RALGAPA2: variants seen among roughly 807,000 people sequenced by gnomAD.
The protein encoded by RALGAPA2 is ral GTPase-activating protein subunit alpha-2.
In RALGAPA2, 139 loss-of-function variants were observed where a neutral mutation model predicts 230.4. The observed-to-expected ratio is 0.60, with a 90% CI of 0.53 to 0.69. RALGAPA2 has a LOEUF of 0.69. Ranked by LOEUF, RALGAPA2 falls within the 30% of genes least tolerant of loss-of-function variation. RALGAPA2 has a pLI of 0.00. For synonymous variants in RALGAPA2, 847 were observed against 837.8 expected, an observed-to-expected ratio of 1.01 and a Z score of -0.19; for missense variants, 2,163 against 2,276.0, an observed-to-expected ratio of 0.95 and a Z score of 1.01.
chr20:20,689,941 A>T (rs1252442309), intron 1 of RALGAPA2, among the ~76,000 whole-genome samples: 1 of 151,504 alleles, frequency 6.6e-6, no homozygotes, highest in Non-Finnish European at 1.5e-5. Context: ...GCTTCAAGAA[A>T]ATCCACCCCT....
At chr20:20,394,511 G>A (rs959320458) in intron 39 of RALGAPA2, among the ~76,000 whole-genome samples, 4 of 152,108 alleles carry the variant, frequency 2.6e-5, no homozygotes, top group African/African-American at 7.2e-5. Flanking sequence ...ATGGTGGTGC[G>A]CACCTGTAGT....
chr20:20,624,280 T>C (rs542376402), intron 10 of RALGAPA2, among the ~76,000 whole-genome samples: 7 of 136,406 alleles, frequency 5.1e-5, no homozygotes, highest in Non-Finnish European at 9.0e-5. Context: ...TGAGCCAAGA[T>C]CGCACCACTG....
chr20:20,530,267 C>G (rs948172648), intron 27 of RALGAPA2, among the ~76,000 whole-genome samples: 1 of 152,174 alleles, frequency 6.6e-6, no homozygotes, highest in African/African-American at 2.4e-5. Flanking sequence ...ATTAAACTTG[C>G]CTACAAAGGT....
intron 37 of RALGAPA2, among the ~76,000 whole-genome samples, chr20:20,429,219 C>T (rs1202819309): frequency 6.6e-6 from 1 of 152,188 alleles, no homozygotes; most frequent in South Asian, 2.1e-4. Flanking sequence ...GAAACTCAAA[C>T]CCAGGGCGAT....
chr20:20,698,391 C>A (rs559567938), intron 1 of RALGAPA2, among the ~76,000 whole-genome samples: 53 of 150,818 alleles, frequency 3.5e-4, no homozygotes, highest in African/African-American at 1.2e-3. Context: ...TTTTTGGTTT[C>A]TTTGTTTTGT....
At chr20:20,501,562 C>T (rs1484975965) in intron 35 of RALGAPA2, among the ~76,000 whole-genome samples, 2 of 152,166 alleles carry the variant, frequency 1.3e-5, no homozygotes, top group Non-Finnish European at 2.9e-5. Flanking sequence ...CTGGTTTGAT[C>T]TGTTCAGACC....
At chr20:20,652,872 C>T (rs1031764020) in intron 4 of RALGAPA2, among the ~76,000 whole-genome samples, 2 of 152,028 alleles carry the variant, frequency 1.3e-5, no homozygotes, top group Non-Finnish European at 2.9e-5. Context: ...GAATAATTTT[C>T]AGTCAATGAT....
At chr20:20,567,584 G>GA (rs1274874144) in intron 23 of RALGAPA2, among the ~76,000 whole-genome samples, 1 of 152,168 alleles carries the variant, frequency 6.6e-6, no homozygotes, top group Admixed American at 6.5e-5. Context: ...ATCAATAAAA[G>GA]AAAACATACC....
intron 28 of RALGAPA2, among the ~76,000 whole-genome samples, chr20:20,525,800 G>C (rs1426678290): frequency 6.6e-6 from 1 of 152,134 alleles, no homozygotes; most frequent in Non-Finnish European, 1.5e-5. Context: ...AAAGGTTATC[G>C]TGGTAGCAAT....
intron 3 of RALGAPA2, among the ~76,000 whole-genome samples, chr20:20,656,370 T>C (rs971186980): frequency 2.0e-5 from 3 of 152,198 alleles, no homozygotes; most frequent in African/African-American, 4.8e-5. Context: ...GTGGGGAAAT[T>C]GATGTCACAT....
chr20:20,617,234 T>G (rs2066174238), intron 12 of RALGAPA2, among the ~76,000 whole-genome samples: 1 of 152,290 alleles, frequency 6.6e-6, no homozygotes, highest in Middle Eastern at 3.4e-3. Flanking sequence ...TCAAAATAAA[T>G]GTACAATCTG....
chr20:20,397,693 A>G (rs1351667357), intron 38 of RALGAPA2, among the ~76,000 whole-genome samples: 2 of 152,214 alleles, frequency 1.3e-5, no homozygotes, highest in African/African-American at 2.4e-5. Context: ...GCACAGTGAC[A>G]GGGGCAAACT....
chr20:20,546,476 T>C (rs1015676739), intron 24 of RALGAPA2, among the ~76,000 whole-genome samples: 4 of 152,236 alleles, frequency 2.6e-5, no homozygotes, highest in Admixed American at 6.5e-5. Context: ...GAAATATTAG[T>C]GAGGATATGA....
At chr20:20,467,779 T>C (rs1369971740) in intron 37 of RALGAPA2, among the ~76,000 whole-genome samples, 3 of 152,198 alleles carry the variant, frequency 2.0e-5, no homozygotes, top group Non-Finnish European at 4.4e-5. Flanking sequence ...TATGAACGCA[T>C]CAGAGAACGC....
At chr20:20,484,224 T>A (rs1188677347) in intron 36 of RALGAPA2, among the ~76,000 whole-genome samples, 2 of 152,222 alleles carry the variant, frequency 1.3e-5, no homozygotes, top group African/African-American at 2.4e-5. Flanking sequence ...GTCACATTAT[T>A]TACCAGAAAC....
chr20:20,500,038 C>T (rs114794229), intron 35 of RALGAPA2, among the ~76,000 whole-genome samples: 2 of 152,192 alleles, frequency 1.3e-5, no homozygotes, highest in African/African-American at 4.8e-5. Flanking sequence ...TATTTCTTAC[C>T]ATATGTATAT....
chr20:20,536,973 T>C (rs2063514572), intron 24 of RALGAPA2, among the ~76,000 whole-genome samples, 189 bp from the exon 25 acceptor site: 1 of 152,090 alleles, frequency 6.6e-6, no homozygotes, highest in Non-Finnish European at 1.5e-5. Context: ...TAATGGAAAA[T>C]ATCACTGTAC....
At chr20:20,496,927 G>A (rs961284582) in intron 35 of RALGAPA2, among the ~76,000 whole-genome samples, 2 of 152,170 alleles carry the variant, frequency 1.3e-5, no homozygotes, top group Non-Finnish European at 2.9e-5. Context: ...AAGGGTGCAC[G>A]ATTCAACTGT....
rs529774167 is a variant in RALGAPA2 at position 20,488,850 on chromosome 20, C to T, written c.5367+6267G>A. 2.0e-5 allele frequency among the ~76,000 whole-genome samples: 3 copies of T among 152,366 alleles called. No homozygotes were observed. The South Asian group carries it at 6.2e-4, about 32-fold the overall frequency. ...GGAGAGTGGGACCCCCAGCCCTTGA[C>T]ACAGTACCTGGCATGAAGCAGCCTC... On this transcript the variant is annotated intron_variant, in intron 36 of 39. Coordinates refer to ENST00000202677, the MANE Select transcript of RALGAPA2 (RefSeq NM_020343.4).
Sources: allele counts gnomAD v4.1 joint callset (sites outside exome capture counted in the v4.1 genomes callset), GRCh38; gene constraint gnomAD v4.1.1; transcripts MANE v1.5; gene names NCBI Gene and HGNC (gene_info 2026-07-23, HGNC 2026-07-21).